Variants in WDR27 observed in about 807,000 individuals in gnomAD.
The protein encoded by WDR27 is WD repeat domain 27.
A neutral mutation model predicts 114.4 loss-of-function variants in WDR27; 100 were observed. The ratio of observed to expected loss-of-function variants is 0.87; its 90% confidence interval spans 0.74 to 1.03. The LOEUF is 1.03. Ranked by LOEUF, WDR27 falls within the 50% of genes least tolerant of loss-of-function variation. The pLI, the probability that WDR27 is intolerant of heterozygous loss-of-function variation, is 0.00. For synonymous variants in WDR27, 449 were observed against 423.1 expected (o/e 1.06, Z -0.75); for missense variants, 1,129 against 1,092.9 (o/e 1.03, Z -0.47).
intron 23 of WDR27, among the ~76,000 whole-genome samples, chr6:169,598,945 T>C (rs1807377650): frequency 6.6e-6 from 1 of 152,240 alleles, no homozygotes; most frequent in African/African-American, 2.4e-5. Context: ...ATTTGAATGA[T>C]TTTCAACGTG....
chr6:169,551,809 C>T (rs953663490), intron 25 of WDR27, among the ~76,000 whole-genome samples: 3 of 151,312 alleles, frequency 2.0e-5, no homozygotes, highest in Non-Finnish European at 4.4e-5. Flanking sequence ...AGAGTAAAGA[C>T]GATTCTGGCT....
At chr6:169,558,439 GCAC>G (rs1231184266) in intron 25 of WDR27, 1 of 152,296 alleles carries the variant, frequency 6.6e-6, no homozygotes, top group East Asian at 1.9e-4. Context: ...TCGAGAATAA[GCAC>G]CAGGCTCCCA....
chr6:169,697,167 A>G (rs1786333679), intron 1 of WDR27, among the ~76,000 whole-genome samples: 1 of 152,186 alleles, frequency 6.6e-6, no homozygotes, highest in African/African-American at 2.4e-5. Flanking sequence ...CTTTATTCCA[A>G]TATTATAATA....
intron 1 of WDR27, among the ~76,000 whole-genome samples, chr6:169,700,259 G>GC (rs1228645408): frequency 1.3e-5 from 2 of 152,248 alleles, no homozygotes; most frequent in Non-Finnish European, 2.9e-5. Context: ...AGAGAACTGT[G>GC]CAATCCTGAG....
At chr6:169,650,977 G>A (rs1822280850) in intron 14 of WDR27, among the ~76,000 whole-genome samples, 2 of 152,066 alleles carry the variant, frequency 1.3e-5, no homozygotes, top group Non-Finnish European at 2.9e-5. Flanking sequence ...GTTCAAGCCA[G>A]AGAACAAGCA....
intron 21 of WDR27, among the ~76,000 whole-genome samples, chr6:169,629,173 A>AT (rs2128211044): frequency 6.6e-6 from 1 of 152,350 alleles, no homozygotes; most frequent in South Asian, 2.1e-4. Flanking sequence ...TTGGTTAGCT[A>AT]AAGTTAAAAG....
intron 25 of WDR27, among the ~76,000 whole-genome samples, chr6:169,460,063 C>T (rs981498571): frequency 2.6e-5 from 4 of 151,978 alleles, no homozygotes; most frequent in African/African-American, 7.3e-5. Context: ...GTTATAAAAG[C>T]TAGTATTATT....
At chr6:169,569,830 A>T (rs1325339053) in intron 25 of WDR27, among the ~76,000 whole-genome samples, 3 of 152,138 alleles carry the variant, frequency 2.0e-5, no homozygotes, top group African/African-American at 7.2e-5. Flanking sequence ...AGCCACTAAA[A>T]TCTTTTCCAG....
At chr6:169,444,514 G>A in the WDR27 span, among the ~76,000 whole-genome samples, 1 of 152,148 alleles carries the variant, frequency 6.6e-6, no homozygotes, top group Non-Finnish European at 1.5e-5. Context: ...GCTCCACCAG[G>A]GCTGGCCAGA....
At chr6:169,677,871 T>G (rs1478625725) in intron 2 of WDR27, among the ~76,000 whole-genome samples, 3 of 152,216 alleles carry the variant, frequency 2.0e-5, no homozygotes, top group Non-Finnish European at 2.9e-5. Flanking sequence ...CCACAGGCCT[T>G]GGTGGTTTCC....
At chr6:169,669,907 A>G (rs1778239678) in intron 4 of WDR27, 1 of 152,124 alleles carries the variant, frequency 6.6e-6, no homozygotes, top group African/African-American at 2.4e-5. Context: ...TTCCTCGCCT[A>G]CGTTTATTAA....
intron 25 of WDR27, among the ~76,000 whole-genome samples, chr6:169,528,809 G>A (rs1795242342): frequency 6.6e-6 from 1 of 152,206 alleles, no homozygotes; most frequent in Non-Finnish European, 1.5e-5. Flanking sequence ...TTGCAGGTAT[G>A]AGCCATCACA....
chr6:169,464,814 G>A (rs576127074), intron 25 of WDR27, among the ~76,000 whole-genome samples: 14 of 152,328 alleles, frequency 9.2e-5, no homozygotes, highest in Admixed American at 5.2e-4. Context: ...ATACAAATGC[G>A]CAAGAAGCAC....
At chr6:169,428,515 A>T in the WDR27 span, among the ~76,000 whole-genome samples, 2 of 149,796 alleles carry the variant, frequency 1.3e-5, no homozygotes, top group African/African-American at 4.9e-5. Context: ...CAGAAAACAA[A>T]ATTAATTAGT....
chr6:169,519,749 ATAT>A (rs1483122678), intron 25 of WDR27, among the ~76,000 whole-genome samples: 4 of 152,222 alleles, frequency 2.6e-5, no homozygotes, highest in African/African-American at 9.6e-5. Context: ...ATACACACCA[ATAT>A]TATCCCCATC....
intron 25 of WDR27, among the ~76,000 whole-genome samples, chr6:169,508,223 C>T (rs1269141354): frequency 6.6e-6 from 1 of 152,140 alleles, no homozygotes; most frequent in Non-Finnish European, 1.5e-5. Flanking sequence ...AAACTTAAAA[C>T]AGAACATCTC....
intron 9 of WDR27, 21 bp downstream of exon 9, chr6:169,662,283 G>T (rs1403664994): frequency 3.1e-6 from 5 of 1,610,160 alleles, no homozygotes; most frequent in Non-Finnish European, 4.2e-6. Flanking sequence ...ATGTGGCATA[G>T]GCAAAGTTTT....
Position 169,613,552 on chromosome 6 carries a change from G to T in WDR27, c.2321+7C>A. 6.2e-7 allele frequency: 1 copy of T among 1,612,922 alleles called. No individual in the cohort carries two copies. The highest frequency in any genetic ancestry group is 8.5e-7 in the Non-Finnish European group (1 of 1,178,972). ...CCCCTGCAGTGCAGGGCGCAGGACA[G>T]CCTTACCTCAGGGTTCTCAGGTCCC... On this transcript the variant is annotated splice_region_variant and intron_variant, in intron 22 of 25. Transcript: ENST00000448612.
intron 25 of WDR27, among the ~76,000 whole-genome samples, chr6:169,536,407 C>A (rs1796191358): frequency 6.6e-6 from 1 of 152,136 alleles, no homozygotes; most frequent in African/African-American, 2.4e-5. Flanking sequence ...AAATTAGGTC[C>A]ATTATTTTTA....
Sources: allele counts gnomAD v4.1 joint callset (sites outside exome capture counted in the v4.1 genomes callset), GRCh38; gene constraint gnomAD v4.1.1; transcripts MANE v1.5; gene names NCBI Gene and HGNC (gene_info 2026-07-23, HGNC 2026-07-21).